Variants in KCNH7 observed in about 807,000 individuals in gnomAD.
KCNH7 encodes the protein voltage-gated inwardly rectifying potassium channel KCNH7.
KCNH7 carries 49 observed loss-of-function variants against 120.8 expected under a neutral mutation model. That is an observed-to-expected ratio of 0.41 (90% confidence interval 0.32 to 0.51). KCNH7 has a LOEUF of 0.51. KCNH7 is among the 20% of genes least tolerant of loss of function. The probability of loss-of-function intolerance (pLI) is 0.38; values close to 1 mark genes in which losing one functional copy is unlikely to be tolerated. For synonymous variants in KCNH7, 547 were observed against 516.1 expected, an observed-to-expected ratio of 1.06 and a Z score of -0.81; for missense variants, 1,097 against 1,446.6, an observed-to-expected ratio of 0.76 and a Z score of 3.92.
intron 2 of KCNH7, among the ~76,000 whole-genome samples, chr2:162,659,703 A>G (rs1370461412): frequency 6.6e-6 from 1 of 152,132 alleles, no homozygotes; most frequent in Non-Finnish European, 1.5e-5. Context: ...ATTCTGTTGA[A>G]GTATTTTTTA....
intron 7 of KCNH7, among the ~76,000 whole-genome samples, chr2:162,437,718 C>T (rs1010760265): frequency 2.0e-5 from 3 of 152,120 alleles, no homozygotes; most frequent in African/African-American, 7.2e-5. Context: ...CTCTATGTTT[C>T]TATTTAAACA....
At chr2:162,576,699 G>A (rs999981282) in intron 2 of KCNH7, among the ~76,000 whole-genome samples, 1 of 151,760 alleles carries the variant, frequency 6.6e-6, no homozygotes, top group African/African-American at 2.4e-5. Context: ...GAAAACAAGT[G>A]GTAAAACATA....
chr2:162,448,589 G>C (rs977231203), intron 6 of KCNH7, among the ~76,000 whole-genome samples: 1 of 152,074 alleles, frequency 6.6e-6, no homozygotes, highest in African/African-American at 2.4e-5. Flanking sequence ...ATATTTGTGT[G>C]AGTTTGCTCA....
Position 162,822,774 on chromosome 2 carries a change from C to T in KCNH7, c.307+13763G>A, listed in dbSNP as rs115641090. ...CAGAAGCCATGTTAATCAGATCATC[C>T]TATAGCAATGGTTTTTAAACCTTAC... is the stretch of plus-strand genomic sequence containing the variant. On this transcript the variant is annotated intron_variant, in intron 2 of 15. Transcript: ENST00000332142. 5.5e-3 allele frequency among the ~76,000 whole-genome samples: 836 copies of T among 152,236 alleles called. 8 individuals carry two copies. The highest frequency in any genetic ancestry group is 0.019 in the African/African-American group (810 of 41,542).
intron 2 of KCNH7, among the ~76,000 whole-genome samples, chr2:162,562,161 T>A (rs1176827128): frequency 4.6e-5 from 7 of 152,202 alleles, no homozygotes; most frequent in Admixed American, 4.6e-4. Flanking sequence ...TATACCTATG[T>A]AACAAACCTG....
intron 2 of KCNH7, among the ~76,000 whole-genome samples, chr2:162,682,331 T>C (rs13393384): frequency 0.011 from 1,724 of 151,888 alleles, 31 homozygotes; most frequent in African/African-American, 0.039. Context: ...GTTAGAACCA[T>C]AAAGCCTTGC....
chr2:162,635,720 C>A (rs1683931249), intron 2 of KCNH7, among the ~76,000 whole-genome samples: 1 of 152,052 alleles, frequency 6.6e-6, no homozygotes, highest in Non-Finnish European at 1.5e-5. Flanking sequence ...TCCATTTTAT[C>A]TTGTGCAAAA....
intron 2 of KCNH7, among the ~76,000 whole-genome samples, chr2:162,583,541 TA>T (rs1326939096): frequency 6.6e-6 from 1 of 152,000 alleles, no homozygotes; most frequent in Non-Finnish European, 1.5e-5. Context: ...CATCTATTTT[TA>T]AACAAGCAAG....
chr2:162,371,610 C>A lies in KCNH7; in HGVS notation c.*219G>T. The A allele has an allele frequency of 1.2e-6, 1 of 816,374 alleles. No individual in the cohort carries two copies. The highest frequency in any genetic ancestry group is 1.8e-6 in the Non-Finnish European group (1 of 560,534). 50.6% of individuals were successfully genotyped at this position (816,374 alleles called of 1,614,324 possible). A position where few individuals can be genotyped will look rare whatever the true frequency, so the allele number is the denominator to read the frequency against. On this transcript the variant is annotated 3_prime_UTR_variant, in exon 16 of 16. Coordinates refer to ENST00000332142, the MANE Select transcript of KCNH7 (RefSeq NM_033272.4). ...ATAAAAAATAAGGTGCCGTGAGATG[C>A]TGGCAGTTTTAACATTTGGAACCAA...
chr2:162,533,077 C>G (rs1691984609), intron 3 of KCNH7, among the ~76,000 whole-genome samples: 1 of 151,560 alleles, frequency 6.6e-6, no homozygotes, highest in Admixed American at 6.6e-5. Context: ...AATAGGGAAC[C>G]AAAATACACT....
At chr2:162,796,072 T>C (rs762700454) in intron 2 of KCNH7, 1 of 152,072 alleles carries the variant, frequency 6.6e-6, no homozygotes, top group African/African-American at 2.4e-5. Flanking sequence ...ATACCAATAT[T>C]ATTTGCATCT....
At chr2:162,584,621 A>T (rs902985805) in intron 2 of KCNH7, among the ~76,000 whole-genome samples, 1 of 151,932 alleles carries the variant, frequency 6.6e-6, no homozygotes, top group Admixed American at 6.6e-5. Context: ...GCCAGGGAGA[A>T]CTCACCCTTT....
At position 162,411,337 on chromosome 2, in the gene KCNH7, C is replaced by T. The variant is rs370025448; in HGVS notation, c.2155-10896G>A. 3.3e-5 allele frequency among the ~76,000 whole-genome samples: 5 copies of T among 152,190 alleles called. No homozygotes were observed. In the East Asian group the frequency reaches 5.8e-4, roughly 18 times the overall value. ...ATGGATGCAGCTGGAAGCCATTACT[C>T]TAAACAAACTAATGCAGGAACAGGA... On this transcript the variant is annotated intron_variant, in intron 9 of 15. Transcript: ENST00000332142.
chr2:162,453,359 A>G (rs1043756748), intron 6 of KCNH7, among the ~76,000 whole-genome samples: 3 of 152,138 alleles, frequency 2.0e-5, no homozygotes, highest in African/African-American at 7.2e-5. Context: ...TATCCAGTCT[A>G]TCATTGATGG....
chr2:162,596,161 C>G (rs1459078609), intron 2 of KCNH7, among the ~76,000 whole-genome samples: 1 of 151,882 alleles, frequency 6.6e-6, no homozygotes, highest in African/African-American at 2.4e-5. Context: ...CAATGCAACC[C>G]CTATCAAAAC....
Position 162,838,468 on chromosome 2 carries a change from G to T in KCNH7, c.51C>A (p.Thr17=). Residue 17 remains threonine (T), a synonymous_variant, in exon 1 of 16, where the codon ACC becomes ACA. Coordinates refer to ENST00000332142, the MANE Select transcript of KCNH7 (RefSeq NM_033272.4). ...HVAPQNTFLG[T]IIRKFEGQNK... is the part of the protein sequence containing the mutation. The stretch of plus-strand genomic sequence containing the variant: ...TTTGCCCTTCAAATTTCCGAATGAT[G>T]GTCCCCAGAAATGTATTTTGTGGTG... The T allele has an allele frequency of 1.2e-6, 2 of 1,613,866 alleles. No individual in the cohort carries two copies.
chr2:162,410,683 A>G (rs1687365375), intron 9 of KCNH7, among the ~76,000 whole-genome samples: 1 of 152,012 alleles, frequency 6.6e-6, no homozygotes, highest in Non-Finnish European at 1.5e-5. Flanking sequence ...GGGAGAAAAT[A>G]TTTGCACACT....
intron 2 of KCNH7, among the ~76,000 whole-genome samples, chr2:162,669,267 A>C (rs1309111536): frequency 6.6e-6 from 1 of 152,192 alleles, no homozygotes; most frequent in Non-Finnish European, 1.5e-5. Context: ...AGAGCAAATA[A>C]AATGTAGACT....
At chr2:162,774,452 T>A (rs1310404151) in intron 2 of KCNH7, among the ~76,000 whole-genome samples, 1 of 152,150 alleles carries the variant, frequency 6.6e-6, no homozygotes, top group Non-Finnish European at 1.5e-5. Context: ...AGTGGGATTA[T>A]CAGAATGGTA....
Sources: gnomAD v4.1 joint callset for allele counts (sites outside exome capture counted in the v4.1 genomes callset) on GRCh38, gnomAD v4.1.1 for gene constraint, MANE v1.5 for transcripts, NCBI Gene and HGNC (gene_info 2026-07-23, HGNC 2026-07-21) for gene names.